The following POLR3B variants were observed in gnomAD, a reference collection of about 807,000 sequenced individuals.
The protein encoded by POLR3B is RNA polymerase III subunit B.
In POLR3B, 96 loss-of-function variants were observed where a neutral mutation model predicts 147.4. That is an observed-to-expected ratio of 0.65 (90% CI 0.55 to 0.77). The LOEUF (loss-of-function observed/expected upper bound fraction) is 0.77, where lower values mean the gene tolerates loss of function less well. Ranked by LOEUF, POLR3B falls within the 30% of genes least tolerant of loss-of-function variation. The pLI, the probability that POLR3B is intolerant of heterozygous loss-of-function variation, is 0.00. For synonymous variants in POLR3B, 461 were observed against 485.9 expected (o/e 0.95, Z 0.67); for missense variants, 1,036 against 1,413.5 (o/e 0.73, Z 4.28).
At chr12:106,451,049 CATT>C (rs1257149363) in intron 19 of POLR3B, among the ~76,000 whole-genome samples, 1 of 152,068 alleles carries the variant, frequency 6.6e-6, no homozygotes, top group Non-Finnish European at 1.5e-5. Context: ...ATCTCAGGAT[CATT>C]ATGCTAAATA....
Position 106,427,277 on chromosome 12 carries a change from G to A in POLR3B, c.1182G>A (p.Lys394=). ...MKKIADQVIP[K]QRAAQFDVVK... is the part of the protein sequence containing the mutation. ...AGATTGCCGACCAGGTGATTCCTAA[G>A]CAAAGAGCAGCCCAGTTTGATGTTG... The change falls in exon 13 of 28, where the codon AAG becomes AAA. Residue 394 remains lysine (K), a synonymous_variant. Transcript: ENST00000228347. The A allele has an allele frequency of 1.9e-6, 3 of 1,612,112 alleles. No individual in the cohort carries two copies. Among genetic ancestry groups the A allele is most frequent in the Non-Finnish European group, 2.5e-6 (3 of 1,179,494 alleles).
At chr12:106,397,219 A>G (rs913743522) in intron 10 of POLR3B, among the ~76,000 whole-genome samples, 1 of 152,206 alleles carries the variant, frequency 6.6e-6, no homozygotes, top group African/African-American at 2.4e-5. Context: ...TTCAACATAT[A>G]CAAAGTACAG....
chr12:106,471,301 G>A lies in POLR3B; in HGVS notation c.2713+7681G>A, dbSNP rs147828040. Among the ~76,000 whole-genome samples the A allele has an allele frequency of 1.6e-3, 250 of 152,264 alleles. 1 individual carries two copies. Among genetic ancestry groups the A allele is most frequent in the African/African-American group, 5.5e-3 (227 of 41,544 alleles). On this transcript the variant is annotated intron_variant, in intron 23 of 27. Coordinates refer to ENST00000228347, the MANE Select transcript of POLR3B (RefSeq NM_018082.6). ...ACAGGAGGGGATCTCCTGCTCTGCC[G>A]GTTGTGAAGACCATGGGGAAAGCAC...
chr12:106,375,568 A>G (rs566544736), intron 6 of POLR3B, among the ~76,000 whole-genome samples: 2 of 152,272 alleles, frequency 1.3e-5, no homozygotes, highest in African/African-American at 4.8e-5. Flanking sequence ...TGTCTTTTCC[A>G]GCCCAGTAAT....
At chr12:106,380,675 G>A (rs2036750790) in intron 9 of POLR3B, among the ~76,000 whole-genome samples, 1 of 152,210 alleles carries the variant, frequency 6.6e-6, no homozygotes, top group South Asian at 2.1e-4. Context: ...CACAAGCCCA[G>A]GAAGTCAAGG....
intron 12 of POLR3B, among the ~76,000 whole-genome samples, chr12:106,422,372 C>T (rs1202874589): frequency 6.6e-6 from 1 of 152,188 alleles, no homozygotes; most frequent in African/African-American, 2.4e-5. Flanking sequence ...TCCCCAGAAA[C>T]TGAGCAGATG....
chr12:106,422,733 G>A (rs1482998564), intron 12 of POLR3B, among the ~76,000 whole-genome samples: 3 of 152,126 alleles, frequency 2.0e-5, no homozygotes, highest in African/African-American at 7.2e-5. Flanking sequence ...TGGTCAGCTT[G>A]TCTATGTATT....
chr12:106,431,112 G>C (rs1015755962), intron 14 of POLR3B, among the ~76,000 whole-genome samples: 2 of 152,130 alleles, frequency 1.3e-5, no homozygotes, highest in African/African-American at 4.8e-5. Flanking sequence ...TCCTAACATA[G>C]AGCCTTGGTT....
chr12:106,461,187 C>T (rs2037929141), intron 22 of POLR3B, among the ~76,000 whole-genome samples: 1 of 151,982 alleles, frequency 6.6e-6, no homozygotes, highest in South Asian at 2.1e-4. Flanking sequence ...CTCCACCTCC[C>T]AGTTCAAGTG....
chr12:106,487,612 G>C (rs1357367808), intron 23 of POLR3B, among the ~76,000 whole-genome samples: 1 of 152,130 alleles, frequency 6.6e-6, no homozygotes, highest in Non-Finnish European at 1.5e-5. Context: ...TATATGAATT[G>C]TGTGTAGATC....
intron 23 of POLR3B, among the ~76,000 whole-genome samples, chr12:106,469,152 T>C (rs1219048209): frequency 1.3e-5 from 2 of 152,156 alleles, no homozygotes; most frequent in African/African-American, 2.4e-5. Flanking sequence ...ATATTTAGGA[T>C]AGTTAGCTCT....
intron 24 of POLR3B, 95 bp from the exon 25 acceptor site, chr12:106,496,657 A>T: frequency 1.9e-6 from 2 of 1,047,426 alleles, no homozygotes; most frequent in Non-Finnish European, 2.9e-6. Flanking sequence ...TACTGTTATT[A>T]ATAGTGGTCG....
intron 26 of POLR3B, among the ~76,000 whole-genome samples, chr12:106,501,782 T>C (rs1056336760): frequency 1.3e-5 from 2 of 152,226 alleles, no homozygotes; most frequent in African/African-American, 4.8e-5. Context: ...TATACTTGCA[T>C]GTACCCATGT....
chr12:106,408,600 C>T (rs1028925293), intron 11 of POLR3B, among the ~76,000 whole-genome samples: 1 of 152,204 alleles, frequency 6.6e-6, no homozygotes, highest in Admixed American at 6.5e-5. Flanking sequence ...ACCACTCTTT[C>T]CTCTAATGTA....
intron 19 of POLR3B, among the ~76,000 whole-genome samples, chr12:106,445,622 C>A (rs1037778063): frequency 5.3e-5 from 8 of 152,106 alleles, no homozygotes; most frequent in Non-Finnish European, 1.2e-4. Flanking sequence ...ACTTATAAAG[C>A]TTTTTGAAAT....
rs376800357 is a variant in POLR3B, at chr12:106,369,277, A to G, written c.230A>G (p.Tyr77Cys). 4 of 1,567,268 alleles carry G rather than the reference A, an allele frequency of 2.6e-6. No homozygotes were observed. The African/African-American group carries it at 5.4e-5, about 21-fold the overall frequency. ...TACCGCACTAATTTGCTTTTCAGAT[A>G]TCTTAATATCTATGTTGGGCTTCCT... ...SDADPMWYLK[Y>C]LNIYVGLPDV... The change falls in exon 5 of 28, where the codon TAT becomes TGT. Residue 77 changes from tyrosine to cysteine, a missense_variant and splice_region_variant. Transcript: ENST00000228347.
chr12:106,372,333 G>GTTTT (rs61642813), intron 6 of POLR3B, among the ~76,000 whole-genome samples: 6 of 125,972 alleles, frequency 4.8e-5, no homozygotes, highest in Non-Finnish European at 1.0e-4. Flanking sequence ...GTGTGTGTGT[G>GTTTT]TTTTTTTTTT....
At chr12:106,472,935 G>A (rs2038114457) in intron 23 of POLR3B, among the ~76,000 whole-genome samples, 1 of 136,718 alleles carries the variant, frequency 7.3e-6, no homozygotes, top group Admixed American at 7.2e-5. Context: ...TGAAGTCCCT[G>A]CCCACGCCTA....
chr12:106,415,556 C>T (rs1409033830), intron 12 of POLR3B, among the ~76,000 whole-genome samples: 1 of 152,168 alleles, frequency 6.6e-6, no homozygotes, highest in Non-Finnish European at 1.5e-5. Flanking sequence ...TCTGAGTCCC[C>T]TGGAATTTTC....
Sources: allele counts gnomAD v4.1 joint callset (sites outside exome capture counted in the v4.1 genomes callset), GRCh38; gene constraint gnomAD v4.1.1; transcripts MANE v1.5; gene names NCBI Gene and HGNC (gene_info 2026-07-23, HGNC 2026-07-21).